Variants in ZNF827 observed in about 807,000 individuals in gnomAD.
ZNF827 encodes the protein zinc finger protein 827.
ZNF827 carries 13 observed loss-of-function variants against 102.4 expected under a neutral mutation model. That is an observed-to-expected ratio of 0.13 (90% CI 0.08 to 0.20). The LOEUF (loss-of-function observed/expected upper bound fraction) is 0.20, where lower values mean the gene tolerates loss of function less well. Among genes scored for constraint, ZNF827 ranks in the 10% least tolerant of loss-of-function variants. ZNF827 has a pLI of 1.00. For synonymous variants in ZNF827, 523 were observed against 536.2 expected (o/e 0.98, Z 0.34); for missense variants, 1,103 against 1,344.4 (o/e 0.82, Z 2.81).
At chr4:145,823,560 T>C (rs1397437893) in intron 7 of ZNF827, 35 bp from the exon 8 acceptor site, 2 of 1,465,856 alleles carry the variant, frequency 1.4e-6, no homozygotes, top group Non-Finnish European at 1.9e-6. Context: ...GTTTAGTAAA[T>C]TAAAGTTATT....
intron 2 of ZNF827, among the ~76,000 whole-genome samples, chr4:145,899,102 T>C (rs1751208174): frequency 6.6e-6 from 1 of 152,232 alleles, no homozygotes; most frequent in Non-Finnish European, 1.5e-5. Flanking sequence ...TTTTCCCTGC[T>C]GTGAGAGGCC....
chr4:145,871,954 C>T (rs72723900), intron 4 of ZNF827, among the ~76,000 whole-genome samples: 7,714 of 152,260 alleles, frequency 0.051, 288 homozygotes, highest in Non-Finnish European at 0.077. Flanking sequence ...ACCGCACCAC[C>T]TCCACTTCTG....
intron 5 of ZNF827, among the ~76,000 whole-genome samples, chr4:145,862,519 G>A (rs1306416756): frequency 6.6e-6 from 1 of 152,050 alleles, no homozygotes; most frequent in African/African-American, 2.4e-5. Flanking sequence ...CCCCAGCCAT[G>A]GGATATATAT....
At chr4:145,866,302 G>A (rs148836263) in intron 5 of ZNF827, among the ~76,000 whole-genome samples, 38 of 152,276 alleles carry the variant, frequency 2.5e-4, no homozygotes, top group African/African-American at 8.4e-4. Context: ...TCAGGTCACC[G>A]CAGAGATTAA....
chr4:145,781,676 A>G (rs1311268997), intron 8 of ZNF827, among the ~76,000 whole-genome samples: 1 of 152,246 alleles, frequency 6.6e-6, no homozygotes, highest in Non-Finnish European at 1.5e-5. Flanking sequence ...TCTGAGGACA[A>G]GAACTACTCT....
chr4:145,873,532 C>G (rs996302762), intron 4 of ZNF827, among the ~76,000 whole-genome samples: 1 of 152,200 alleles, frequency 6.6e-6, no homozygotes, highest in African/African-American at 2.4e-5. Flanking sequence ...ATCTAATCAT[C>G]ACTTGAACTA....
At chr4:145,912,899 A>G (rs1338795624) in intron 1 of ZNF827, among the ~76,000 whole-genome samples, 2 of 152,168 alleles carry the variant, frequency 1.3e-5, no homozygotes, top group African/African-American at 2.4e-5. Flanking sequence ...GAAAACTAAT[A>G]TAAGTATATT....
chr4:145,761,068 G>C lies in ZNF827; in HGVS notation c.*548C>G, dbSNP rs768212398. The C allele has an allele frequency of 7.8e-7, 1 of 1,289,472 alleles. No homozygotes were observed. Among genetic ancestry groups the C allele is most frequent in the South Asian group, 1.2e-5 (1 of 81,012 alleles). The allele number at this position is 1,289,472 out of a possible 1,614,324, so 79.9% of individuals were successfully genotyped here. A position where few individuals can be genotyped will look rare whatever the true frequency, so the allele number is the denominator to read the frequency against. On this transcript the variant is annotated 3_prime_UTR_variant, in exon 15 of 15. Transcript: ENST00000508784. This position sits in a 1 kb window ranked among gnomAD's most constrained non-coding sequence, Gnocchi z 6.8. ...CACGGTCTGCAGAGCCTGGGAGGCA[G>C]ACATAACTGACAGGGGAGACAGGAG...
At chr4:145,817,904 A>G (rs1742750075) in intron 8 of ZNF827, among the ~76,000 whole-genome samples, 1 of 152,176 alleles carries the variant, frequency 6.6e-6, no homozygotes, top group Admixed American at 6.5e-5. Flanking sequence ...AGCTTCATAA[A>G]ACCATTTCTA....
intron 8 of ZNF827, among the ~76,000 whole-genome samples, chr4:145,791,925 C>G (rs1739756755): frequency 6.6e-6 from 1 of 152,116 alleles, no homozygotes; most frequent in African/African-American, 2.4e-5. Flanking sequence ...CCCAGGATGC[C>G]CAACTAGGAA....
intron 7 of ZNF827, among the ~76,000 whole-genome samples, chr4:145,843,987 C>T (rs968917570): frequency 2.0e-5 from 3 of 152,162 alleles, no homozygotes; most frequent in African/African-American, 7.2e-5. Flanking sequence ...CGAGAATCTC[C>T]ATCTCTAGGG....
intron 8 of ZNF827, among the ~76,000 whole-genome samples, chr4:145,813,513 GTA>G (rs202122590): frequency 8.9e-6 from 1 of 112,688 alleles, no homozygotes. Flanking sequence ...GTCCGGGAAT[GTA>G]TCCCCTGAGG....
chr4:145,817,282 G>C (rs1280207610), intron 8 of ZNF827, among the ~76,000 whole-genome samples: 1 of 152,136 alleles, frequency 6.6e-6, no homozygotes, highest in Non-Finnish European at 1.5e-5. Flanking sequence ...CCCTAGACTA[G>C]ACTGATTTTC....
chr4:145,870,365 A>G lies in ZNF827; in HGVS notation c.1861T>C (p.Ser621Pro). The change falls in exon 5 of 15, where the codon TCT (serine) becomes CCT (proline). Residue 621 changes from serine (S) to proline (P), a missense_variant. By Grantham distance (74) the Ser-to-Pro change is moderately conservative. Transcript: ENST00000508784. Reference protein sequence around the residue: ...PRSSYVFSPESEVSAPGVSED... With the variant: ...PRSSYVFSPEPEVSAPGVSED... Reference sequence around the variant, plus strand: ...GAGACGCCTGGGGCTGACACTTCAGATTCCGGGCTGAACACATAGCTGGAC... The same window carrying G: ...GAGACGCCTGGGGCTGACACTTCAGGTTCCGGGCTGAACACATAGCTGGAC... 1.2e-6 allele frequency: 2 copies of G among 1,614,136 alleles called. No individual in the cohort carries two copies. Among genetic ancestry groups the G allele is most frequent in the East Asian group, 4.5e-5 (2 of 44,886 alleles).
At chr4:145,909,518 G>A (rs560783794) in intron 1 of ZNF827, among the ~76,000 whole-genome samples, 1 of 152,292 alleles carries the variant, frequency 6.6e-6, no homozygotes, top group South Asian at 2.1e-4. Context: ...TCCCACTAGA[G>A]AAAGGTCTTT....
intron 11 of ZNF827, among the ~76,000 whole-genome samples, chr4:145,770,352 T>A (rs1736082391): frequency 6.8e-6 from 1 of 147,644 alleles, no homozygotes. Context: ...ATAAATAAAA[T>A]AGATCAGAAC....
intron 1 of ZNF827, among the ~76,000 whole-genome samples, chr4:145,925,700 G>T (rs1753371942): frequency 6.6e-6 from 1 of 152,200 alleles, no homozygotes; most frequent in Admixed American, 6.5e-5. Flanking sequence ...TATAGTGAAA[G>T]ACGTGTTCCC....
At chr4:145,912,736 C>T (rs1177544718) in intron 1 of ZNF827, among the ~76,000 whole-genome samples, 3 of 152,192 alleles carry the variant, frequency 2.0e-5, no homozygotes, top group Non-Finnish European at 2.9e-5. Flanking sequence ...AGAAGCTGGG[C>T]GAGAGGTCTG....
At chr4:145,873,084 C>T (rs1266165979) in intron 4 of ZNF827, among the ~76,000 whole-genome samples, 4 of 151,232 alleles carry the variant, frequency 2.6e-5, no homozygotes, top group African/African-American at 4.9e-5. Flanking sequence ...TACAGGCGCC[C>T]GCCACCATGC....
Sources: gnomAD v4.1 joint callset for allele counts (sites outside exome capture counted in the v4.1 genomes callset) on GRCh38, gnomAD v4.1.1 for gene constraint, Gnocchi (gnomAD v3.1) non-coding constraint, MANE v1.5 for transcripts, NCBI Gene and HGNC (gene_info 2026-07-23, HGNC 2026-07-21) for gene names.